PHF8: variants seen among roughly 807,000 people sequenced by gnomAD.
PHF8 encodes the protein histone lysine demethylase PHF8.
In PHF8, 9 loss-of-function variants were observed where a neutral mutation model predicts 74.4. That is an observed-to-expected ratio of 0.12 (90% CI 0.07 to 0.21). PHF8 has a LOEUF of 0.21. Ranked by LOEUF, PHF8 falls within the 10% of genes least tolerant of loss-of-function variation. PHF8 has a pLI of 1.00. For missense variants in PHF8, 478 were observed against 816.6 expected (o/e 0.59, Z 5.05); for synonymous variants, 311 against 316.6 (o/e 0.98, Z 0.19).
At position 54,011,163 on chromosome X, in the gene PHF8, T is replaced by C. The variant is rs1318945224; in HGVS notation, c.905A>G (p.Lys302Arg). 5.8e-6 allele frequency: 7 copies of C among 1,207,555 alleles called. No homozygotes were observed. The highest frequency in any genetic ancestry group is 1.8e-5 in the South Asian group (1 of 56,797). Residue 302 changes from lysine (K) to arginine (R), a missense_variant, in exon 8 of 22, where the codon AAG becomes AGG. By Grantham distance (26) the Lys-to-Arg change is conservative. Transcript: ENST00000338154. ...FFGDQVDKCYKCSVKQGQTLF... is the reference protein window; with the variant it reads ...FFGDQVDKCYRCSVKQGQTLF... ...TGTCTGTCCTTGCTTCACGGAACAC[T>C]TGTAGCACTTGTCCACCTGGTCCCC...
At chrX:54,032,408 A>G (rs782013007) in intron 2 of PHF8, among the ~76,000 whole-genome samples, 7 of 110,679 alleles carry the variant, frequency 6.3e-5, no homozygotes, top group African/African-American at 2.3e-4. Context: ...CTCTGTTCCA[A>G]TAGCATTGGA....
chrX:53,964,129 C>A (rs1185102077), intron 18 of PHF8, among the ~76,000 whole-genome samples: 4 of 110,441 alleles, frequency 3.6e-5, no homozygotes, highest in Non-Finnish European at 7.6e-5. Context: ...CAAACTAACA[C>A]AGGACAGAAA....
At position 53,993,060 on chromosome X, in the gene PHF8, C is replaced by T. The variant is rs1256298466; in HGVS notation, c.1627-221G>A. 1.5e-5 allele frequency: 6 copies of T among 407,051 alleles called. 1 individual carries two copies. The African/African-American group carries it at 1.5e-4, about 10-fold the overall frequency. 33.5% of individuals were successfully genotyped at this position (407,051 alleles called of 1,213,427 possible). ...CCTGTCAATCTTGTGAACCATGTTCCCTTAAAAAAGAGGGGGCACATCTTC... is the reference window on the plus strand; with the variant it reads ...CCTGTCAATCTTGTGAACCATGTTCTCTTAAAAAAGAGGGGGCACATCTTC... On this transcript the variant is annotated intron_variant, in intron 13 of 21. Coordinates refer to ENST00000338154, the MANE Select transcript of PHF8 (RefSeq NM_015107.3).
At chrX:54,002,815 T>C (rs2065845713) in intron 8 of PHF8, 133 bp from the exon 9 acceptor site, 2 of 517,014 alleles carry the variant, frequency 3.9e-6, no homozygotes, top group Middle Eastern at 4.7e-4. Context: ...ACACCAGATG[T>C]TCTCAAGGTG....
At chrX:54,021,158 A>G (rs938145129) in intron 4 of PHF8, among the ~76,000 whole-genome samples, 1 of 112,049 alleles carries the variant, frequency 8.9e-6, no homozygotes, top group Non-Finnish European at 1.9e-5. Flanking sequence ...GCAGCTGGAG[A>G]CCATTATCGT....
chrX:54,045,064 T>G (rs1557117168), upstream of PHF8: 1 of 461,241 alleles, frequency 2.2e-6, no homozygotes, highest in Non-Finnish European at 3.7e-6. Flanking sequence ...ACCCGCGTTC[T>G]GTCCCCAGGC....
At chrX:53,947,528 A>G (rs2064849829) in intron 19 of PHF8, among the ~76,000 whole-genome samples, 1 of 112,291 alleles carries the variant, frequency 8.9e-6, no homozygotes, top group Non-Finnish European at 1.9e-5. Flanking sequence ...AAGTTGACGC[A>G]TAATTTTCAG....
intron 18 of PHF8, among the ~76,000 whole-genome samples, chrX:53,966,983 A>C (rs2065202382): frequency 1.1e-5 from 1 of 91,992 alleles, no homozygotes; most frequent in African/African-American, 4.2e-5. Flanking sequence ...AAGGGAGGAG[A>C]CCCTCCGCCT....
chrX:53,970,824 A>G (rs1164482986), intron 18 of PHF8, among the ~76,000 whole-genome samples: 1 of 111,855 alleles, frequency 8.9e-6, no homozygotes, highest in Non-Finnish European at 1.9e-5. Flanking sequence ...TACCCAATAT[A>G]GGAGCACCCA....
At chrX:53,966,513 C>T (rs1032420437) in intron 18 of PHF8, among the ~76,000 whole-genome samples, 2 of 112,784 alleles carry the variant, frequency 1.8e-5, no homozygotes, top group Non-Finnish European at 3.8e-5. Context: ...GGATTGCAGA[C>T]GGTGTCTGGT....
At chrX:54,006,939 C>CAA (rs1219211822) in intron 8 of PHF8, among the ~76,000 whole-genome samples, 6 of 27,736 alleles carry the variant, frequency 2.2e-4, no homozygotes, top group Non-Finnish European at 3.5e-4. Context: ...AACTTCATCT[C>CAA]AAAAAAAAAA....
At chrX:53,958,789 A>C (rs1333793517) in intron 19 of PHF8, among the ~76,000 whole-genome samples, 4 of 105,616 alleles carry the variant, frequency 3.8e-5, no homozygotes, top group Non-Finnish European at 7.8e-5. Flanking sequence ...AAAAAAAAAA[A>C]AAAAAAAAAA....
chrX:54,006,708 G>A (rs1264968337), intron 8 of PHF8, among the ~76,000 whole-genome samples: 1 of 111,330 alleles, frequency 9.0e-6, no homozygotes, highest in Non-Finnish European at 1.9e-5. Context: ...GGCCAAGGCA[G>A]GTGGATCACC....
intron 19 of PHF8, among the ~76,000 whole-genome samples, chrX:53,953,711 TGGA>T (rs1203770145): frequency 9.4e-6 from 1 of 106,599 alleles, no homozygotes; most frequent in Non-Finnish European, 1.9e-5. Flanking sequence ...CAGTAACTAA[TGGA>T]GGAATTGAGG....
intron 17 of PHF8, 76 bp from the exon 18 acceptor site, chrX:53,985,303 G>A: frequency 3.6e-6 from 3 of 826,463 alleles, no homozygotes; most frequent in Non-Finnish European, 5.3e-6. Flanking sequence ...GAATACTCAG[G>A]GAGGAGGGAT....
intron 18 of PHF8, among the ~76,000 whole-genome samples, chrX:53,968,930 T>C (rs781920964): frequency 4.7e-4 from 51 of 107,669 alleles, no homozygotes; most frequent in Admixed American, 2.0e-3. Flanking sequence ...ATAAAAGAAC[T>C]GATAAACAAA....
At chrX:53,965,583 G>T (rs2065172702) in intron 18 of PHF8, among the ~76,000 whole-genome samples, 1 of 112,315 alleles carries the variant, frequency 8.9e-6, no homozygotes, top group African/African-American at 3.2e-5. Context: ...AGGCTGCAGT[G>T]AGCCAAGATT....
intron 18 of PHF8, among the ~76,000 whole-genome samples, chrX:53,969,322 A>C (rs56295643): frequency 9.0e-6 from 1 of 111,510 alleles, no homozygotes. Flanking sequence ...ACATGTGCTA[A>C]CAGTGAATGA....
At chrX:54,036,428 G>A (rs942019827) in intron 2 of PHF8, among the ~76,000 whole-genome samples, 1 of 108,234 alleles carries the variant, frequency 9.2e-6, no homozygotes, top group African/African-American at 3.4e-5. Context: ...ATACTTCATG[G>A]GTCAAACAGG....
Sources: allele counts gnomAD v4.1 joint callset (sites outside exome capture counted in the v4.1 genomes callset), GRCh38; gene constraint gnomAD v4.1.1; transcripts MANE v1.5; gene names NCBI Gene and HGNC (gene_info 2026-07-23, HGNC 2026-07-21).